The following TSPAN33 variants were observed in gnomAD, a reference collection of about 807,000 sequenced individuals.
TSPAN33 encodes tetraspanin 33.
In TSPAN33, 27 loss-of-function variants were observed where a neutral mutation model predicts 34.8. The ratio of observed to expected loss-of-function variants is 0.78; its 90% CI spans 0.57 to 1.07. The LOEUF (loss-of-function observed/expected upper bound fraction) is 1.07, where lower values mean the gene tolerates loss of function less well. TSPAN33 is among the 50% of genes least tolerant of loss of function. TSPAN33 has a pLI of 0.00. For synonymous variants in TSPAN33, 119 were observed against 124.2 expected, an observed-to-expected ratio of 0.96 and a Z score of 0.28; for missense variants, 272 against 324.9, an observed-to-expected ratio of 0.84 and a Z score of 1.25.
chr7:129,164,370 A>C, intron 4 of TSPAN33, 104 bp from the exon 5 acceptor site: 3 of 1,033,930 alleles, frequency 2.9e-6, no homozygotes, highest in Middle Eastern at 2.1e-4. Context: ...ATTTCAAGGC[A>C]GACTCAGTTA....
chr7:129,150,470 G>A (rs1028688982), intron 1 of TSPAN33, among the ~76,000 whole-genome samples: 1 of 152,132 alleles, frequency 6.6e-6, no homozygotes, highest in African/African-American at 2.4e-5. Context: ...ATGTGAATAG[G>A]CAAAATCCTG....
chr7:129,162,541 C>T lies in TSPAN33; in HGVS notation c.288+20C>T, dbSNP rs1793069628. The T allele has an allele frequency of 6.2e-7, 1 of 1,610,072 alleles. No individual in the cohort carries two copies. The highest frequency in any genetic ancestry group is 2.2e-5 in the East Asian group (1 of 44,880). ...CAGACGGTGAGTGGTCAAGGCCCCA[C>T]TGGAAAGACCCTGGCCCTCTCCCCA... On this transcript the variant is annotated intron_variant, in intron 3 of 7. Coordinates refer to ENST00000486685, the MANE Select transcript of TSPAN33 (RefSeq NM_178562.5).
intron 3 of TSPAN33, 40 bp from the exon 4 acceptor site, chr7:129,162,793 T>C (rs1164222261): frequency 6.2e-7 from 1 of 1,606,858 alleles, no homozygotes; most frequent in Non-Finnish European, 8.5e-7. Context: ...GTTGCTGCCA[T>C]GAGTGGTCCT....
chr7:129,164,400 A>G, intron 4 of TSPAN33, 74 bp from the exon 5 acceptor site: 1 of 1,260,146 alleles, frequency 7.9e-7, no homozygotes, highest in Non-Finnish European at 1.2e-6. Flanking sequence ...ATCCCTGTCT[A>G]CTGTTATTTT....
At chr7:129,152,025 A>T (rs144841424) in intron 1 of TSPAN33, among the ~76,000 whole-genome samples, 1 of 152,320 alleles carries the variant, frequency 6.6e-6, no homozygotes, top group African/African-American at 2.4e-5. Flanking sequence ...AAATCGAGGG[A>T]CATTCTGCAA....
intron 3 of TSPAN33, 103 bp downstream of exon 3, chr7:129,162,624 C>T: frequency 1.3e-6 from 2 of 1,548,636 alleles, no homozygotes; most frequent in African/African-American, 1.3e-5. Context: ...TACCCCCAAG[C>T]CTGTGCTGTC....
intron 5 of TSPAN33, 141 bp downstream of exon 5, chr7:129,164,710 C>G (rs112871490): frequency 4.2e-6 from 3 of 715,176 alleles, no homozygotes; most frequent in African/African-American, 1.7e-5. Flanking sequence ...AAAAAGCACA[C>G]GTAGCAGAGT....
chr7:129,161,948 C>T (rs1057193760), intron 2 of TSPAN33, among the ~76,000 whole-genome samples: 4 of 152,214 alleles, frequency 2.6e-5, no homozygotes, highest in African/African-American at 9.7e-5. Context: ...GATATGCCTA[C>T]ATTTGAGGCT....
intron 1 of TSPAN33, among the ~76,000 whole-genome samples, chr7:129,153,800 AGTT>A (rs1465930858): frequency 6.6e-6 from 1 of 151,824 alleles, no homozygotes; most frequent in Non-Finnish European, 1.5e-5. Context: ...AAATTAGCCC[AGTT>A]GGTGGCATGT....
At chr7:129,162,543 G>A in intron 3 of TSPAN33, 22 bp downstream of exon 3, 1 of 1,609,820 alleles carries the variant, frequency 6.2e-7, no homozygotes, top group South Asian at 1.1e-5. Context: ...AGGCCCCACT[G>A]GAAAGACCCT....
intron 1 of TSPAN33, among the ~76,000 whole-genome samples, chr7:129,158,234 A>G (rs1157477419): frequency 2.0e-5 from 3 of 152,220 alleles, no homozygotes; most frequent in Non-Finnish European, 4.4e-5. Context: ...CACATTTGCA[A>G]AGTTCCTTTG....
chr7:129,159,045 G>A (rs948265063), intron 1 of TSPAN33, among the ~76,000 whole-genome samples: 5 of 149,794 alleles, frequency 3.3e-5, no homozygotes, highest in East Asian at 2.0e-4. Flanking sequence ...CACTGCACCC[G>A]GCCCCACATT....
intron 1 of TSPAN33, among the ~76,000 whole-genome samples, chr7:129,160,276 C>G (rs1395830164): frequency 6.6e-6 from 1 of 152,188 alleles, no homozygotes; most frequent in Non-Finnish European, 1.5e-5. Flanking sequence ...GTGGCTCTTT[C>G]CAGCTGCTTT....
chr7:129,144,875 G>A lies in TSPAN33; in HGVS notation c.-106G>A, dbSNP rs1370539394. 11 of 166,060 alleles carry A rather than the reference G, an allele frequency of 6.6e-5. No homozygotes were observed. Among genetic ancestry groups the A allele is most frequent in the Non-Finnish European group, 1.3e-4 (10 of 78,786 alleles). The allele number at this position is 166,060 out of a possible 1,614,324, so 10.3% of individuals were successfully genotyped here. A position where few individuals can be genotyped will look rare whatever the true frequency, so the allele number is the denominator to read the frequency against. On this transcript the variant is annotated 5_prime_UTR_variant, in exon 1 of 8. Coordinates refer to ENST00000486685, the MANE Select transcript of TSPAN33 (RefSeq NM_178562.5). Reference sequence around the variant, plus strand: ...CAGCGCAGGCTCCCCCGCCGGCCGGGCTCCTGCGCGGCGCGGCTCGGCTCA... The same window carrying A: ...CAGCGCAGGCTCCCCCGCCGGCCGGACTCCTGCGCGGCGCGGCTCGGCTCA...
rs1488879053 is a variant in TSPAN33, at chr7:129,167,068, C to G, written c.588+162C>G. Reference sequence around the variant, plus strand: ...CACCCCAACCTGATGCTTCTATTAACCTCATACTCATGTAGTCCACATGGA... The same window carrying G: ...CACCCCAACCTGATGCTTCTATTAAGCTCATACTCATGTAGTCCACATGGA... On this transcript the variant is annotated intron_variant, in intron 6 of 7. Transcript: ENST00000486685. The surrounding 1 kb of genome is among the most constrained non-coding windows in gnomAD (Gnocchi z 4.6). 2.0e-5 allele frequency among the ~76,000 whole-genome samples: 3 copies of G among 152,326 alleles called. No homozygotes were observed. Among genetic ancestry groups the G allele is most frequent in the Admixed American group, 6.5e-5 (1 of 15,298 alleles).
At position 129,167,261 on chromosome 7, in the gene TSPAN33, A is replaced by G; in HGVS notation, c.589-138A>G. ...GAGGAAGGGAAGTCTGCATTTGGCA[A>G]CTTCCAACCCAATATCCTCCACATA... is the stretch of plus-strand genomic sequence containing the variant. On this transcript the variant is annotated intron_variant, in intron 6 of 7. Transcript: ENST00000486685. This position sits in a 1 kb window ranked among gnomAD's most constrained non-coding sequence, Gnocchi z 4.6. The G allele has an allele frequency of 8.9e-7, 1 of 1,118,740 alleles. No individual in the cohort carries two copies. The highest frequency in any genetic ancestry group is 1.3e-6 in the Non-Finnish European group (1 of 786,340). 69.3% of individuals were successfully genotyped at this position (1,118,740 alleles called of 1,614,324 possible). A position where few individuals can be genotyped will look rare whatever the true frequency, so the allele number is the denominator to read the frequency against.
rs149626402 is a variant in TSPAN33 at position 129,161,714 on chromosome 7, C to T, written c.138C>T (p.Tyr46=). The T allele has an allele frequency of 1.9e-3, 3,089 of 1,614,168 alleles. 4 individuals carry two copies. Among genetic ancestry groups the T allele is most frequent in the Non-Finnish European group, 2.5e-3 (2,902 of 1,180,018 alleles). Residue 46 remains tyrosine (Y), a synonymous_variant, in exon 2 of 8, where the codon TAC becomes TAT. Transcript: ENST00000486685. ...ISMVMVAVGV[Y]ARLMKHAEAA... is the part of the protein sequence containing the mutation. ...TGGTGATGGTGGCTGTGGGTGTCTA[C>T]GCTCGGCTAATGAAGCATGCAGGTG...
chr7:129,164,478 G>A lies in TSPAN33; in HGVS notation c.368G>A (p.Arg123Gln), dbSNP rs761393558. 1.4e-5 allele frequency: 22 copies of A among 1,613,792 alleles called. No homozygotes were observed. The highest frequency in any genetic ancestry group is 1.7e-5 in the Admixed American group (1 of 60,006). The change falls in exon 5 of 8, where the codon CGA (arginine) becomes CAA (glutamine). Residue 123 changes from arginine to glutamine, a missense_variant. Physicochemically the swap from Arg to Gln is conservative, Grantham distance 43. Coordinates refer to ENST00000486685, the MANE Select transcript of TSPAN33 (RefSeq NM_178562.5). Reference sequence around the variant, plus strand: ...CCTTGCCCATGTCTCCGGCAGGCTCGAGGGAAAGTGAGTGAGATCATCAAC... The same window carrying A: ...CCTTGCCCATGTCTCCGGCAGGCTCAAGGGAAAGTGAGTGAGATCATCAAC... Reference protein sequence around the residue: ...ILGFVFSDKARGKVSEIINNA... With the variant: ...ILGFVFSDKAQGKVSEIINNA...
At chr7:129,147,517 C>G (rs1017412670) in intron 1 of TSPAN33, among the ~76,000 whole-genome samples, 1 of 152,184 alleles carries the variant, frequency 6.6e-6, no homozygotes, top group African/African-American at 2.4e-5. Context: ...TGCTGCCTCC[C>G]CAGATCAGGG....
Sources: allele counts gnomAD v4.1 joint callset (sites outside exome capture counted in the v4.1 genomes callset), GRCh38; gene constraint gnomAD v4.1.1; non-coding constraint Gnocchi (gnomAD v3.1); transcripts MANE v1.5; gene names NCBI Gene and HGNC (gene_info 2026-07-23, HGNC 2026-07-21).